NAALADL2: variants seen among roughly 807,000 people sequenced by gnomAD.
NAALADL2 encodes the protein inactive N-acetylated-alpha-linked acidic dipeptidase-like protein 2.
A neutral mutation model predicts 87.2 loss-of-function variants in NAALADL2; 76 were observed. That is an observed-to-expected ratio of 0.87 (90% CI 0.72 to 1.05). The LOEUF (loss-of-function observed/expected upper bound fraction) is 1.05, where lower values mean the gene tolerates loss of function less well. Among genes scored for constraint, NAALADL2 ranks in the 50% least tolerant of loss-of-function variants. The pLI is 0.00. For missense variants in NAALADL2, 1,089 were observed against 945.8 expected, an observed-to-expected ratio of 1.15 and a Z score of -1.99; for synonymous variants, 354 against 331.0, an observed-to-expected ratio of 1.07 and a Z score of -0.75.
chr3:174,871,494 G>A (rs1461849682), intron 1 of NAALADL2, among the ~76,000 whole-genome samples: 1 of 152,200 alleles, frequency 6.6e-6, no homozygotes, highest in Non-Finnish European at 1.5e-5. Flanking sequence ...AATGAAGGAT[G>A]AAGGATTATT....
chr3:174,441,377 C>T (rs745613555), intron 1 of NAALADL2, among the ~76,000 whole-genome samples: 4 of 152,154 alleles, frequency 2.6e-5, no homozygotes, highest in Non-Finnish European at 4.4e-5. Flanking sequence ...AGGAGAGGAG[C>T]GTAGCAGCTC....
chr3:175,750,943 T>C (rs926892199), intron 12 of NAALADL2, among the ~76,000 whole-genome samples: 4 of 152,170 alleles, frequency 2.6e-5, no homozygotes, highest in African/African-American at 9.6e-5. Flanking sequence ...ACTGAACACA[T>C]GTATTTTACT....
At chr3:175,784,992 G>C (rs1751720875) in intron 13 of NAALADL2, among the ~76,000 whole-genome samples, 1 of 150,238 alleles carries the variant, frequency 6.7e-6, no homozygotes, top group East Asian at 1.9e-4. Flanking sequence ...AGGTTGTCCA[G>C]TTTCCATGTA....
At chr3:175,597,203 T>A (rs1354730044) in intron 10 of NAALADL2, among the ~76,000 whole-genome samples, 3 of 152,022 alleles carry the variant, frequency 2.0e-5, no homozygotes, top group Non-Finnish European at 4.4e-5. Flanking sequence ...ATAGAGTGAA[T>A]GTTTATTTAT....
chr3:174,809,760 T>C (rs1006720507), intron 3 of NAALADL2, among the ~76,000 whole-genome samples: 2 of 152,228 alleles, frequency 1.3e-5, no homozygotes, highest in Non-Finnish European at 2.9e-5. Context: ...ATTGTGATAT[T>C]ATTTGTATCT....
In NAALADL2 at chr3:175,449,433, T is replaced by C. The variant is rs544289839; in HGVS notation, c.1234+2061T>C. Among the ~76,000 whole-genome samples the C allele has an allele frequency of 3.4e-5, 5 of 146,316 alleles. No individual in the cohort carries two copies. The South Asian group carries it at 1.1e-3, about 32-fold the overall frequency. On this transcript the variant is annotated intron_variant, in intron 6 of 13. Coordinates refer to ENST00000454872, the MANE Select transcript of NAALADL2 (RefSeq NM_207015.3). Reference sequence around the variant, plus strand: ...TTTTTTGAGACAGAGTCTCGCTCTGTCTCCCAGACTGCAGTGCAGTGGCAC... The same window carrying C: ...TTTTTTGAGACAGAGTCTCGCTCTGCCTCCCAGACTGCAGTGCAGTGGCAC...
intron 9 of NAALADL2, among the ~76,000 whole-genome samples, chr3:175,525,326 C>T (rs1733239919): frequency 6.6e-6 from 1 of 151,986 alleles, no homozygotes; most frequent in Non-Finnish European, 1.5e-5. Flanking sequence ...TTGGGTAAAA[C>T]CGAAGTATTT....
At chr3:174,757,869 T>C (rs1712339507) in intron 3 of NAALADL2, among the ~76,000 whole-genome samples, 4 of 152,152 alleles carry the variant, frequency 2.6e-5, no homozygotes, top group African/African-American at 7.2e-5. Context: ...ACTTGTAAAA[T>C]ACCTGGGACA....
chr3:175,778,281 A>G (rs892169811), intron 13 of NAALADL2, among the ~76,000 whole-genome samples: 1 of 152,196 alleles, frequency 6.6e-6, no homozygotes, highest in African/African-American at 2.4e-5. Flanking sequence ...GCACTAGGAA[A>G]GTAGAGTAGT....
intron 5 of NAALADL2, among the ~76,000 whole-genome samples, chr3:175,393,213 G>A (rs1056335471): frequency 1.1e-3 from 143 of 135,830 alleles, no homozygotes; most frequent in Non-Finnish European, 2.0e-3. Flanking sequence ...AGCGGAGCTT[G>A]CAGTGAGCCG....
intron 2 of NAALADL2, among the ~76,000 whole-genome samples, chr3:174,641,897 C>T (rs934754279): frequency 6.6e-6 from 1 of 152,096 alleles, no homozygotes; most frequent in Admixed American, 6.5e-5. Flanking sequence ...GGTGAGACCA[C>T]AAGCATGGGC....
At chr3:175,400,095 T>G (rs1770377325) in intron 5 of NAALADL2, among the ~76,000 whole-genome samples, 1 of 152,012 alleles carries the variant, frequency 6.6e-6, no homozygotes, top group African/African-American at 2.4e-5. Flanking sequence ...ATTCTCTATA[T>G]GAAAAGGGAC....
chr3:174,704,133 T>C (rs1345651006), intron 2 of NAALADL2, among the ~76,000 whole-genome samples: 2 of 152,190 alleles, frequency 1.3e-5, no homozygotes, highest in Non-Finnish European at 2.9e-5. Context: ...GGATTTTTGT[T>C]GTTGTTATTT....
chr3:174,558,349 C>T (rs368231460), intron 2 of NAALADL2, among the ~76,000 whole-genome samples: 4 of 151,782 alleles, frequency 2.6e-5, no homozygotes, highest in Non-Finnish European at 5.9e-5. Context: ...AGACTGGGTA[C>T]GGGGGGGATG....
intron 2 of NAALADL2, among the ~76,000 whole-genome samples, chr3:174,562,436 TAA>T (rs1161701198): frequency 3.9e-5 from 6 of 152,104 alleles, no homozygotes; most frequent in Admixed American, 3.3e-4. Flanking sequence ...AGAAAAAGAA[TAA>T]TATGTGAAAA....
In NAALADL2 at chr3:174,580,932, C is replaced by T. The variant is rs908565292; in HGVS notation, c.-115+30295C>T. Among the ~76,000 whole-genome samples the T allele has an allele frequency of 7.2e-5, 11 of 152,154 alleles. No homozygotes were observed. The East Asian group carries it at 2.1e-3, about 29-fold the overall frequency. On this transcript the variant is annotated intron_variant, in intron 2 of 3. Coordinates refer to the NAALADL2 transcript ENST00000434257. ...CAAAATGTTTTCCGAAGTGGTTGTG[C>T]CATTTTACATTCCCATCAGCAGTGT...
intron 2 of NAALADL2, among the ~76,000 whole-genome samples, chr3:174,697,476 G>T (rs969943855): frequency 2.6e-5 from 4 of 152,048 alleles, no homozygotes; most frequent in African/African-American, 9.7e-5. Flanking sequence ...CTTCCTGAAA[G>T]GTTGAAGGAT....
In NAALADL2 at chr3:175,249,928, G is replaced by A. The variant is rs966076788; in HGVS notation, c.820-6483G>A. ...TCACGCCTGTAATCCCAGCAACTTT[G>A]GGAGGCCGAGGCAGACGGATCATCT... On this transcript the variant is annotated intron_variant, in intron 3 of 13. Transcript: ENST00000454872. 5.3e-5 allele frequency among the ~76,000 whole-genome samples: 8 copies of A among 152,234 alleles called. No individual in the cohort carries two copies. In the South Asian group the frequency reaches 8.3e-4, roughly 16 times the overall value.
intron 4 of NAALADL2, among the ~76,000 whole-genome samples, chr3:175,317,378 C>A (rs1337926429): frequency 6.6e-6 from 1 of 151,712 alleles, no homozygotes; most frequent in Admixed American, 6.6e-5. Flanking sequence ...TTCCCATATC[C>A]CTTTCCTCTG....
Sources: gnomAD v4.1 joint callset for allele counts (sites outside exome capture counted in the v4.1 genomes callset) on GRCh38, gnomAD v4.1.1 for gene constraint, MANE v1.5 for transcripts, NCBI Gene and HGNC (gene_info 2026-07-23, HGNC 2026-07-21) for gene names.